Variants in EBF1 observed in about 807,000 individuals in gnomAD.
EBF1 encodes the protein transcription factor COE1.
A neutral mutation model predicts 68.4 loss-of-function variants in EBF1; 10 were observed. That is an observed-to-expected ratio of 0.15 (90% CI 0.09 to 0.25). EBF1 has a LOEUF of 0.25. Ranked by LOEUF, EBF1 falls within the 10% of genes least tolerant of loss-of-function variation. The pLI is 1.00. For missense variants in EBF1, 509 were observed against 794.4 expected (o/e 0.64, Z 4.32); for synonymous variants, 298 against 299.8 (o/e 0.99, Z 0.06).
At chr5:158,885,946 T>A (rs1253444256) in intron 6 of EBF1, among the ~76,000 whole-genome samples, 1 of 152,198 alleles carries the variant, frequency 6.6e-6, no homozygotes, top group Non-Finnish European at 1.5e-5. Context: ...GCCTCTGCCC[T>A]CCCTACAACT....
intron 6 of EBF1, among the ~76,000 whole-genome samples, chr5:159,051,069 G>GT (rs1054391708): frequency 1.2e-4 from 19 of 152,068 alleles, no homozygotes; most frequent in South Asian, 1.2e-3. Context: ...ATTTACATTT[G>GT]TTTTTTATGT....
At chr5:158,868,845 T>A (rs1227797803) in intron 6 of EBF1, among the ~76,000 whole-genome samples, 3 of 152,216 alleles carry the variant, frequency 2.0e-5, no homozygotes, top group Non-Finnish European at 4.4e-5. Context: ...AAACTTGAAA[T>A]GATTTCAACA....
intron 9 of EBF1, among the ~76,000 whole-genome samples, chr5:158,777,781 C>G (rs902084301): frequency 2.0e-5 from 3 of 152,168 alleles, no homozygotes; most frequent in African/African-American, 7.2e-5. Flanking sequence ...CTGGTTTGAA[C>G]AGGGAACCTG....
chr5:158,978,835 C>CACACACAGACAGAG (rs753714441), intron 6 of EBF1, among the ~76,000 whole-genome samples: 1 of 146,934 alleles, frequency 6.8e-6, no homozygotes, highest in African/African-American at 2.6e-5. Flanking sequence ...CACACACACA[C>CACACACAGACAGAG]AGAGAGAGAG....
At chr5:158,973,984 C>A (rs1756202305) in intron 6 of EBF1, among the ~76,000 whole-genome samples, 2 of 152,314 alleles carry the variant, frequency 1.3e-5, no homozygotes, top group South Asian at 2.1e-4. Flanking sequence ...CAGTTCCGTT[C>A]TTATTCCTAA....
At chr5:158,783,773 G>A (rs1561916216) in intron 9 of EBF1, among the ~76,000 whole-genome samples, 3 of 152,178 alleles carry the variant, frequency 2.0e-5, no homozygotes, top group South Asian at 2.1e-4. Flanking sequence ...GTTGAATGGG[G>A]CCTCTCCTTG....
At chr5:158,745,193 G>T (rs1224276444) in intron 10 of EBF1, among the ~76,000 whole-genome samples, 2 of 152,200 alleles carry the variant, frequency 1.3e-5, no homozygotes, top group East Asian at 1.9e-4. Flanking sequence ...GTGGGCAATG[G>T]GTATGTGGCC....
At chr5:158,846,791 AG>A (rs1183342562) in intron 6 of EBF1, among the ~76,000 whole-genome samples, 2 of 152,212 alleles carry the variant, frequency 1.3e-5, no homozygotes, top group Admixed American at 6.5e-5. Context: ...GTAAGGGTAA[AG>A]GTTGCTCACT....
At position 158,770,318 on chromosome 5, in the gene EBF1, C is replaced by T. The variant is rs532883869; in HGVS notation, c.1036+7095G>A. The stretch of plus-strand genomic sequence containing the variant: ...CATTCCATCTCCACTGATTACCACC[C>T]AAATCAAAGTCACCAAATCTCTTTC... On this transcript the variant is annotated intron_variant, in intron 10 of 15. Transcript: ENST00000313708. Among the ~76,000 whole-genome samples the T allele has an allele frequency of 6.6e-5, 10 of 152,142 alleles. No homozygotes were observed. The South Asian group carries it at 2.1e-3, about 32-fold the overall frequency.
At chr5:158,949,904 C>T (rs1445155416) in intron 6 of EBF1, among the ~76,000 whole-genome samples, 1 of 152,212 alleles carries the variant, frequency 6.6e-6, no homozygotes, top group Admixed American at 6.5e-5. Flanking sequence ...CTCCCTAGCT[C>T]AATCCATACT....
intron 7 of EBF1, among the ~76,000 whole-genome samples, chr5:158,824,289 G>A (rs373267855): frequency 6.6e-6 from 1 of 152,146 alleles, no homozygotes; most frequent in African/African-American, 2.4e-5. Flanking sequence ...AACTTTGCTC[G>A]ACAGTTTATT....
intron 8 of EBF1, among the ~76,000 whole-genome samples, chr5:158,805,293 G>A (rs1582050472): frequency 6.6e-6 from 1 of 152,238 alleles, no homozygotes; most frequent in East Asian, 1.9e-4. Context: ...CAAGTCTAGT[G>A]GAAAATCTGT....
intron 6 of EBF1, among the ~76,000 whole-genome samples, chr5:158,925,208 A>G (rs1247479540): frequency 1.3e-5 from 2 of 152,154 alleles, no homozygotes; most frequent in African/African-American, 4.8e-5. Flanking sequence ...GGTGGCCATG[A>G]ATCACCTCTT....
intron 6 of EBF1, among the ~76,000 whole-genome samples, chr5:159,068,392 TGG>T (rs1561936055): frequency 8.6e-5 from 13 of 151,876 alleles, no homozygotes; most frequent in Admixed American, 2.0e-4. Flanking sequence ...GATGGATGGA[TGG>T]ATGGATGGAT....
intron 6 of EBF1, among the ~76,000 whole-genome samples, chr5:158,940,325 A>G (rs1449593114): frequency 5.9e-5 from 9 of 152,232 alleles, no homozygotes; most frequent in Non-Finnish European, 8.8e-5. Flanking sequence ...TGGAGGTCCC[A>G]CATCAGATCG....
intron 15 of EBF1, among the ~76,000 whole-genome samples, chr5:158,706,251 G>A (rs762205029): frequency 2.6e-5 from 4 of 151,624 alleles, no homozygotes; most frequent in Non-Finnish European, 5.9e-5. Context: ...ATGTTAGAGT[G>A]GGGAAGAGCG....
chr5:158,858,792 G>C (rs921811823), intron 6 of EBF1, among the ~76,000 whole-genome samples: 8 of 152,178 alleles, frequency 5.3e-5, no homozygotes, highest in Admixed American at 1.3e-4. Context: ...GGGCTCAGAG[G>C]AAAGGAAGAG....
chr5:158,900,515 T>C (rs1803078782), intron 6 of EBF1, among the ~76,000 whole-genome samples: 1 of 152,214 alleles, frequency 6.6e-6, no homozygotes, highest in Non-Finnish European at 1.5e-5. Context: ...CGGAAATTGA[T>C]AGCATTTGTA....
chr5:158,844,211 G>GGGAA (rs897136311), intron 6 of EBF1, among the ~76,000 whole-genome samples: 3 of 129,586 alleles, frequency 2.3e-5, no homozygotes, highest in Non-Finnish European at 3.4e-5. Flanking sequence ...TTTTTTGAGG[G>GGGAA]GGAAGGAAGG....
Sources: gnomAD v4.1 joint callset for allele counts (sites outside exome capture counted in the v4.1 genomes callset) on GRCh38, gnomAD v4.1.1 for gene constraint, MANE v1.5 for transcripts, NCBI Gene and HGNC (gene_info 2026-07-23, HGNC 2026-07-21) for gene names.